Variants in MALRD1 observed in about 807,000 individuals in gnomAD.
The protein encoded by MALRD1 is MAM and LDL receptor class A domain containing 1.
A neutral mutation model predicts 242.1 loss-of-function variants in MALRD1; 247 were observed. The ratio of observed to expected loss-of-function variants is 1.02; its 90% CI spans 0.92 to 1.13. The LOEUF (loss-of-function observed/expected upper bound fraction) is 1.13, where lower values mean the gene tolerates loss of function less well. Ranked by LOEUF, MALRD1 falls within the 50% of genes most tolerant of loss-of-function variation. The pLI, the probability that MALRD1 is intolerant of heterozygous loss-of-function variation, is 0.00. For synonymous variants in MALRD1, 995 were observed against 866.6 expected, an observed-to-expected ratio of 1.15 and a Z score of -2.60; for missense variants, 2,989 against 2,533.1, an observed-to-expected ratio of 1.18 and a Z score of -3.86.
At chr10:19,704,341 G>T (rs926497727) in intron 38 of MALRD1, among the ~76,000 whole-genome samples, 29 of 152,152 alleles carry the variant, frequency 1.9e-4, no homozygotes, top group Admixed American at 1.3e-4. Flanking sequence ...GGCAGATTCA[G>T]TTTCTGGTGA....
chr10:19,264,494 C>T (rs1244530488), intron 19 of MALRD1, among the ~76,000 whole-genome samples: 1 of 148,882 alleles, frequency 6.7e-6, no homozygotes, highest in East Asian at 2.0e-4. Context: ...TGCTCTGTCG[C>T]CCAGGCTAGA....
intron 29 of MALRD1, chr10:19,489,208 G>C (rs1837372368): frequency 2.1e-6 from 1 of 473,174 alleles, no homozygotes; most frequent in Non-Finnish European, 4.3e-6. Flanking sequence ...AGGCGAAGCC[G>C]AAAAAGGCAG....
chr10:19,682,278 A>C (rs1451680698), intron 36 of MALRD1, among the ~76,000 whole-genome samples: 1 of 152,150 alleles, frequency 6.6e-6, no homozygotes, highest in African/African-American at 2.4e-5. Flanking sequence ...CAATGACAAT[A>C]AGGGTGGGAG....
chr10:19,342,196 A>C (rs1334671106), intron 24 of MALRD1, among the ~76,000 whole-genome samples: 4 of 152,144 alleles, frequency 2.6e-5, no homozygotes, highest in Non-Finnish European at 1.5e-5. Context: ...TTAATTTCAC[A>C]GTGTACACTG....
intron 18 of MALRD1, among the ~76,000 whole-genome samples, chr10:19,231,706 A>G (rs1838085132): frequency 6.6e-6 from 1 of 152,104 alleles, no homozygotes; most frequent in East Asian, 1.9e-4. Flanking sequence ...GCCATGTGGA[A>G]CTGTGAGTTC....
Position 19,734,221 on chromosome 10 carries a change from C to A in MALRD1, c.6455C>A (p.Ser2152Ter), listed in dbSNP as rs1018952357. 30 of 1,535,620 alleles carry A rather than the reference C, an allele frequency of 2.0e-5. No homozygotes were observed. Among genetic ancestry groups the A allele is most frequent in the Middle Eastern group, 3.3e-4 (2 of 6,006 alleles). The change falls in exon 40 of 40, where the codon TCA (serine) becomes TAA (stop). Residue 2152 changes from serine to a stop codon, truncating the protein, a stop_gained. Transcript: ENST00000454679. LOFTEE classifies it high-confidence loss of function. The stretch of plus-strand genomic sequence containing the variant: ...ACATCAGGAAGCCTGGAGACCCTGT[C>A]ACATCATCTCAAATAGCAGCATCGA... ...GTTSGSLETL[S>*]HHLK
At chr10:19,636,172 G>A (rs7909908) in intron 36 of MALRD1, among the ~76,000 whole-genome samples, 23,884 of 152,060 alleles carry the variant, frequency 0.16, 3,393 homozygotes, top group African/African-American at 0.38. Context: ...AGGACAATAG[G>A]TATCAGAAGA....
At position 19,108,454 on chromosome 10, in the gene MALRD1, C is replaced by A. The variant is rs1433440227; in HGVS notation, c.694+4379C>A. 2.0e-4 allele frequency among the ~76,000 whole-genome samples: 4 copies of A among 19,582 alleles called. 1 individual carries two copies. The highest frequency in any genetic ancestry group is 2.9e-4 in the Non-Finnish European group (4 of 13,946). 12.8% of individuals were successfully genotyped at this position (19,582 alleles called of 152,430 possible). ...ACGGAGTCTCGCTCTGTCGCCCAGG[C>A]CGGACTGCGGACTGCAGTGGCGCAA... On this transcript the variant is annotated intron_variant, in intron 5 of 39. Coordinates refer to ENST00000454679, the MANE Select transcript of MALRD1 (RefSeq NM_001142308.3).
chr10:19,638,669 A>T (rs1840255745), intron 36 of MALRD1, among the ~76,000 whole-genome samples: 1 of 152,208 alleles, frequency 6.6e-6, no homozygotes, highest in African/African-American at 2.4e-5. Flanking sequence ...AATGTGAGTC[A>T]AGCAATCCTG....
intron 28 of MALRD1, among the ~76,000 whole-genome samples, chr10:19,441,778 T>C (rs1196492080): frequency 6.6e-6 from 1 of 151,920 alleles, no homozygotes; most frequent in African/African-American, 2.4e-5. Context: ...TGCCTCCAGC[T>C]TTGTTCTTTC....
At chr10:19,650,566 A>C (rs1840828511) in intron 36 of MALRD1, among the ~76,000 whole-genome samples, 1 of 152,196 alleles carries the variant, frequency 6.6e-6, no homozygotes, top group Non-Finnish European at 1.5e-5. Flanking sequence ...GGAAATAGGA[A>C]ATATGTAGAG....
At chr10:19,056,145 C>T (rs1418064388) in intron 1 of MALRD1, among the ~76,000 whole-genome samples, 1 of 151,894 alleles carries the variant, frequency 6.6e-6, no homozygotes, top group Non-Finnish European at 1.5e-5. Context: ...CAGCTTTGTT[C>T]TTTTTGCTCC....
At chr10:19,317,057 A>G (rs1443685345) in intron 21 of MALRD1, among the ~76,000 whole-genome samples, 3 of 151,342 alleles carry the variant, frequency 2.0e-5, no homozygotes, top group Non-Finnish European at 2.9e-5. Context: ...GATACACACA[A>G]AAATCAAAAC....
At chr10:19,726,330 A>T (rs532767668) in intron 38 of MALRD1, among the ~76,000 whole-genome samples, 2 of 152,362 alleles carry the variant, frequency 1.3e-5, no homozygotes, top group South Asian at 4.1e-4. Flanking sequence ...ATATAGTTGA[A>T]CATAAAAAGA....
upstream of MALRD1, among the ~76,000 whole-genome samples, chr10:19,048,544 A>G (rs1030144735): frequency 1.3e-5 from 2 of 152,246 alleles, no homozygotes; most frequent in African/African-American, 4.8e-5. Flanking sequence ...GAATTAAGAC[A>G]GACCATTTTT....
chr10:19,701,686 C>T (rs1833636070), intron 38 of MALRD1, among the ~76,000 whole-genome samples: 1 of 135,624 alleles, frequency 7.4e-6, no homozygotes, highest in Non-Finnish European at 1.6e-5. Context: ...TCCCTTTCCT[C>T]CCCTCCCCTT....
chr10:19,628,093 C>T (rs1234288961), intron 36 of MALRD1, among the ~76,000 whole-genome samples: 1 of 151,988 alleles, frequency 6.6e-6, no homozygotes, highest in Non-Finnish European at 1.5e-5. Context: ...TCGTTGATAT[C>T]CTGTTTTTAC....
chr10:19,472,780 CCTTT>C (rs1165718186), intron 29 of MALRD1, among the ~76,000 whole-genome samples: 38 of 150,930 alleles, frequency 2.5e-4, no homozygotes, highest in African/African-American at 9.0e-4. Flanking sequence ...TGTTATCTGG[CCTTT>C]CTAAGTCTAG....
At chr10:19,344,126 A>T (rs1473310685) in intron 24 of MALRD1, among the ~76,000 whole-genome samples, 1 of 152,020 alleles carries the variant, frequency 6.6e-6, no homozygotes, top group Non-Finnish European at 1.5e-5. Context: ...TGTTCTTTTA[A>T]CAGGATCATT....
Sources: gnomAD v4.1 joint callset for allele counts (sites outside exome capture counted in the v4.1 genomes callset) on GRCh38, gnomAD v4.1.1 for gene constraint, MANE v1.5 for transcripts, NCBI Gene and HGNC (gene_info 2026-07-23, HGNC 2026-07-21) for gene names.